LYSMD1: variants seen among roughly 807,000 people sequenced by gnomAD.
The protein encoded by LYSMD1 is LysM domain containing 1, also known as lysM and putative peptidoglycan-binding domain-containing protein 1.
A neutral mutation model predicts 19.3 loss-of-function variants in LYSMD1; 9 were observed. That is an observed-to-expected ratio of 0.47 (90% CI 0.28 to 0.81). The LOEUF (loss-of-function observed/expected upper bound fraction) is 0.81, where lower values mean the gene tolerates loss of function less well. Among genes scored for constraint, LYSMD1 ranks in the 40% least tolerant of loss-of-function variants. The pLI is 0.11. For synonymous variants in LYSMD1, 111 were observed against 111.7 expected, an observed-to-expected ratio of 0.99 and a Z score of 0.04; for missense variants, 262 against 279.8, an observed-to-expected ratio of 0.94 and a Z score of 0.45.
intron 1 of LYSMD1, among the ~76,000 whole-genome samples, chr1:151,163,879 T>C (rs1683548035): frequency 1.2e-5 from 1 of 84,008 alleles, no homozygotes; most frequent in Non-Finnish European, 2.0e-5. Context: ...TTCCTATCTT[T>C]GTGTGTGTGT....
At chr1:151,161,076 G>A in intron 2 of LYSMD1, 56 bp from the exon 3 acceptor site, 2 of 1,590,284 alleles carry the variant, frequency 1.3e-6, no homozygotes, top group South Asian at 2.2e-5. Flanking sequence ...ACCTGACAAT[G>A]GGCCAAGTGA....
chr1:151,151,806 G>C, the LYSMD1 span, among the ~76,000 whole-genome samples: 1 of 151,720 alleles, frequency 6.6e-6, no homozygotes, highest in Admixed American at 6.6e-5. Context: ...GCGGGCGCCT[G>C]TAGTCCCAGC....
chr1:151,158,862 G>C (rs745373199), downstream of LYSMD1: 53 of 1,614,116 alleles, frequency 3.3e-5, no homozygotes, highest in Admixed American at 8.7e-4. Context: ...GCCGGCCCCA[G>C]GCCCAGCGCG....
intron 1 of LYSMD1, among the ~76,000 whole-genome samples, chr1:151,162,818 A>T (rs947050316): frequency 2.0e-5 from 3 of 152,178 alleles, no homozygotes; most frequent in African/African-American, 4.8e-5. Flanking sequence ...ACTGCCAAAG[A>T]TTTAAAATAG....
chr1:151,157,126 G>A (rs1325261860), downstream of LYSMD1, among the ~76,000 whole-genome samples: 2 of 152,138 alleles, frequency 1.3e-5, no homozygotes, highest in Non-Finnish European at 2.9e-5. Flanking sequence ...GACGGCAATG[G>A]GGGCAATGGA....
chr1:151,159,433 C>G (rs1401056498), downstream of LYSMD1: 3 of 642,430 alleles, frequency 4.7e-6, no homozygotes, highest in Non-Finnish European at 8.1e-6. Context: ...GGAGAAGGAG[C>G]AATGCTGAGG....
intron 1 of LYSMD1, among the ~76,000 whole-genome samples, chr1:151,164,384 C>A (rs1045700436): frequency 1.1e-4 from 17 of 152,140 alleles, no homozygotes; most frequent in Non-Finnish European, 2.5e-4. Context: ...TGGCTAAATT[C>A]AACATTTGTT....
chr1:151,150,234 G>C, the LYSMD1 span, among the ~76,000 whole-genome samples: 2 of 152,162 alleles, frequency 1.3e-5, no homozygotes, highest in Non-Finnish European at 2.9e-5. Context: ...GGGATTACCG[G>C]CGTCAGCCAC....
At chr1:151,158,853 C>A, downstream of LYSMD1, 1 of 1,614,164 alleles carries the variant, frequency 6.2e-7, no homozygotes, top group Non-Finnish European at 8.5e-7. Flanking sequence ...ACACGCACAG[C>A]CGGCCCCAGG....
At chr1:151,158,091 G>A (rs1286967775), downstream of LYSMD1, among the ~76,000 whole-genome samples, 2 of 152,172 alleles carry the variant, frequency 1.3e-5, no homozygotes, top group African/African-American at 2.4e-5. Flanking sequence ...TTGGGAGGCC[G>A]AGGTGGGCAG....
chr1:151,156,476 C>T (rs374659882), downstream of LYSMD1, among the ~76,000 whole-genome samples: 1 of 152,184 alleles, frequency 6.6e-6, no homozygotes, highest in Non-Finnish European at 1.5e-5. Flanking sequence ...CCCTTTCCCC[C>T]CTTCAAAGAA....
chr1:151,164,605 T>C (rs1490058200), intron 1 of LYSMD1, among the ~76,000 whole-genome samples: 1 of 152,192 alleles, frequency 6.6e-6, no homozygotes, highest in Non-Finnish European at 1.5e-5. Context: ...GTGGGCACTT[T>C]AGGAACTGAG....
Position 151,165,533 on chromosome 1 carries a change from G to T in LYSMD1, c.-275C>A. The T allele has an allele frequency of 6.9e-7, 1 of 1,447,756 alleles. No homozygotes were observed. The highest frequency in any genetic ancestry group is 1.5e-5 in the South Asian group (1 of 68,462). The allele number at this position is 1,447,756 out of a possible 1,614,324, so 89.7% of individuals were successfully genotyped here. A position where few individuals can be genotyped will look rare whatever the true frequency, so the allele number is the denominator to read the frequency against. On this transcript the variant is annotated 5_prime_UTR_variant, in exon 1 of 3. Transcript: ENST00000368908. ...ACTTTGGACTCCCCCACAACTCCTC[G>T]CTACATTGACCTCTGACCTTTGAAC...
At chr1:151,161,708 A>T (rs1572067199) in intron 2 of LYSMD1, 28 bp downstream of exon 2, 1 of 1,591,566 alleles carries the variant, frequency 6.3e-7, no homozygotes. Flanking sequence ...TCTAGGGAGG[A>T]ACTTATAAGG....
In LYSMD1 at chr1:151,161,886, C is replaced by A; in HGVS notation, c.395G>T (p.Arg132Leu). The A allele has an allele frequency of 6.2e-7, 1 of 1,614,008 alleles. No homozygotes were observed. Among genetic ancestry groups the A allele is most frequent in the Non-Finnish European group, 8.5e-7 (1 of 1,180,012 alleles). ...ERKKQETGAG[R>L]ANGEVLPTPG... Reference sequence around the variant, plus strand: ...TGTGGGGAGGACTTCACCATTGGCACGTCCTGCTCCTGTCTCTTGTTTCTT... The same window carrying A: ...TGTGGGGAGGACTTCACCATTGGCAAGTCCTGCTCCTGTCTCTTGTTTCTT... The change falls in exon 2 of 3, where the codon CGT (arginine) becomes CTT (leucine). Residue 132 changes from arginine (R) to leucine (L), a missense_variant. Transcript: ENST00000368908.
rs893064232 is a variant in LYSMD1 at position 151,160,312 on chromosome 1, C to G, written c.*570G>C. The G allele has an allele frequency of 2.9e-5, 4 of 139,616 alleles. No homozygotes were observed. Among genetic ancestry groups the G allele is most frequent in the African/African-American group, 7.8e-5 (3 of 38,456 alleles). 8.6% of individuals were successfully genotyped at this position (139,616 alleles called of 1,614,324 possible). A position where few individuals can be genotyped will look rare whatever the true frequency, so the allele number is the denominator to read the frequency against. On this transcript the variant is annotated 3_prime_UTR_variant, in exon 3 of 3. Transcript: ENST00000368908. ...GAGAAAAGGCCAACAGTCATCCATT[C>G]TCTGTGGTGGGCTATATCACCGATT... is the stretch of plus-strand genomic sequence containing the variant.
At chr1:151,148,799 G>A in the LYSMD1 span, among the ~76,000 whole-genome samples, 1 of 152,190 alleles carries the variant, frequency 6.6e-6, no homozygotes, top group Non-Finnish European at 1.5e-5. Context: ...TGAGGCTGGT[G>A]TGTGGGAAAG....
chr1:151,152,097 C>CA, the LYSMD1 span, among the ~76,000 whole-genome samples: 3 of 149,198 alleles, frequency 2.0e-5, no homozygotes, highest in African/African-American at 7.6e-5. Flanking sequence ...CAACAAAAAA[C>CA]AAAAACAAAA....
chr1:151,165,567 T>C lies in LYSMD1; in HGVS notation c.-309A>G. 6.8e-7 allele frequency: 1 copy of C among 1,470,144 alleles called. No individual in the cohort carries two copies. Among genetic ancestry groups the C allele is most frequent in the South Asian group, 1.4e-5 (1 of 71,864 alleles). The allele number at this position is 1,470,144 out of a possible 1,614,324, so 91.1% of individuals were successfully genotyped here. A position where few individuals can be genotyped will look rare whatever the true frequency, so the allele number is the denominator to read the frequency against. On this transcript the variant is annotated 5_prime_UTR_variant, in exon 1 of 3. Coordinates refer to ENST00000368908, the MANE Select transcript of LYSMD1 (RefSeq NM_212551.5). ...ACCTCTGACCTTTGAACTCTAGAAA[T>C]AATCCTCAACACTCTTTCCTCAGTT... is the stretch of plus-strand genomic sequence containing the variant.
Sources: allele counts gnomAD v4.1 joint callset (sites outside exome capture counted in the v4.1 genomes callset), GRCh38; gene constraint gnomAD v4.1.1; transcripts MANE v1.5; gene names NCBI Gene and HGNC (gene_info 2026-07-23, HGNC 2026-07-21).